RALYL: variants seen among roughly 807,000 people sequenced by gnomAD.
RALYL encodes the protein RNA-binding Raly-like protein.
Under a neutral mutation model 35.1 loss-of-function variants are expected in RALYL, and 29 were observed. The ratio of observed to expected loss-of-function variants is 0.83; its 90% CI spans 0.61 to 1.13. The LOEUF (loss-of-function observed/expected upper bound fraction) is 1.13, where lower values mean the gene tolerates loss of function less well. Among genes scored for constraint, RALYL ranks in the 50% most tolerant of loss-of-function variants. The probability of loss-of-function intolerance (pLI) is 0.00; values close to 1 mark genes in which losing one functional copy is unlikely to be tolerated. For missense variants in RALYL, 359 were observed against 360.4 expected (o/e 1.00, Z 0.03); for synonymous variants, 120 against 127.6 (o/e 0.94, Z 0.40).
At chr8:84,668,915 G>T (rs1229126225) in intron 2 of RALYL, among the ~76,000 whole-genome samples, 1 of 151,938 alleles carries the variant, frequency 6.6e-6, no homozygotes. Context: ...CAGATAATTG[G>T]CAGGAAAGCT....
chr8:84,860,387 C>G (rs1222097516), intron 5 of RALYL, among the ~76,000 whole-genome samples: 2 of 152,186 alleles, frequency 1.3e-5, no homozygotes, highest in Non-Finnish European at 2.9e-5. Context: ...TAGAAGAGAT[C>G]AGTCAATTGC....
chr8:84,343,490 G>A (rs771561044), intron 1 of RALYL, among the ~76,000 whole-genome samples: 6 of 152,026 alleles, frequency 3.9e-5, no homozygotes, highest in Non-Finnish European at 8.8e-5. Context: ...TTTTACAGTT[G>A]AAATACTTAG....
chr8:84,679,949 C>A (rs1282736657), intron 2 of RALYL: 2 of 253,882 alleles, frequency 7.9e-6, no homozygotes, highest in Admixed American at 8.9e-5. Flanking sequence ...GTGCTGCACC[C>A]ATTAACTCGT....
chr8:84,276,845 A>G (rs577707467), intron 1 of RALYL, among the ~76,000 whole-genome samples: 1 of 152,252 alleles, frequency 6.6e-6, no homozygotes, highest in African/African-American at 2.4e-5. Context: ...AATCTAGAAA[A>G]GTTTAGACTT....
intron 5 of RALYL, among the ~76,000 whole-genome samples, chr8:84,854,180 T>C (rs937352988): frequency 6.6e-6 from 1 of 152,000 alleles, no homozygotes; most frequent in East Asian, 1.9e-4. Flanking sequence ...ACCCCATCTC[T>C]ACTAAAAATA....
intron 1 of RALYL, among the ~76,000 whole-genome samples, chr8:84,509,066 C>A (rs543917659): frequency 6.6e-6 from 1 of 152,144 alleles, no homozygotes; most frequent in South Asian, 2.1e-4. Flanking sequence ...TGACTACATA[C>A]ATATTATATC....
intron 8 of RALYL, among the ~76,000 whole-genome samples, chr8:84,903,635 A>G (rs1021821219): frequency 6.6e-6 from 1 of 152,178 alleles, no homozygotes; most frequent in African/African-American, 2.4e-5. Flanking sequence ...TCAGTAACAT[A>G]GGGTTCTTAA....
intron 2 of RALYL, among the ~76,000 whole-genome samples, chr8:84,710,087 G>C (rs1841924269): frequency 1.3e-5 from 2 of 151,710 alleles, no homozygotes. Context: ...AAACAAAAAA[G>C]CTACGAATTG....
Position 84,430,515 on chromosome 8 carries a change from C to T in RALYL, c.-23-98784C>T, listed in dbSNP as rs1482570094. ...CAAAGGACTACAAAAAACATCTATT[C>T]TCCATCTGAGACCTAGCTTTATAGA... On this transcript the variant is annotated intron_variant, in intron 1 of 8. Coordinates refer to ENST00000521268, the MANE Select transcript of RALYL (RefSeq NM_173848.7). Among the ~76,000 whole-genome samples, 4 of 152,188 alleles carry T rather than the reference C, an allele frequency of 2.6e-5. No homozygotes were observed. The East Asian group carries it at 5.8e-4, about 22-fold the overall frequency.
chr8:84,834,445 T>C (rs1197640728), intron 4 of RALYL, among the ~76,000 whole-genome samples: 1 of 152,206 alleles, frequency 6.6e-6, no homozygotes, highest in Non-Finnish European at 1.5e-5. Flanking sequence ...CTGGAGGTGA[T>C]GAGTAGGAAA....
intron 3 of RALYL, among the ~76,000 whole-genome samples, chr8:84,789,086 T>G (rs1469148527): frequency 2.0e-5 from 3 of 152,162 alleles, no homozygotes; most frequent in Non-Finnish European, 4.4e-5. Flanking sequence ...GGTTGTAGCC[T>G]TAGTATGCAG....
chr8:84,774,481 T>C (rs1816348781), intron 2 of RALYL, 98 bp from the exon 3 acceptor site: 1 of 794,796 alleles, frequency 1.3e-6, no homozygotes, highest in African/African-American at 1.8e-5. Flanking sequence ...AATATTTGCA[T>C]AAACAAATAG....
Position 84,920,953 on chromosome 8 carries a change from T to C in RALYL, c.*42T>C, listed in dbSNP as rs147813469. 8.0e-5 allele frequency: 105 copies of C among 1,306,688 alleles called. 1 individual carries two copies. The East Asian group carries it at 2.2e-3, about 28-fold the overall frequency. The allele number at this position is 1,306,688 out of a possible 1,614,324, so 80.9% of individuals were successfully genotyped here. A position where few individuals can be genotyped will look rare whatever the true frequency, so the allele number is the denominator to read the frequency against. ...ATGCCACAAAGCAGAAAAGAGAAACTGTGACAACCCCCAGAAATGTGAAAG... is the reference window on the plus strand; with the variant it reads ...ATGCCACAAAGCAGAAAAGAGAAACCGTGACAACCCCCAGAAATGTGAAAG... On this transcript the variant is annotated 3_prime_UTR_variant, in exon 9 of 9. Transcript: ENST00000521268.
At chr8:84,792,390 G>C (rs895524046) in intron 3 of RALYL, among the ~76,000 whole-genome samples, 3 of 152,084 alleles carry the variant, frequency 2.0e-5, no homozygotes, top group Admixed American at 6.5e-5. Flanking sequence ...CTTGGTGTAC[G>C]GACACTTCTT....
At chr8:84,659,929 C>A (rs974139926) in intron 2 of RALYL, among the ~76,000 whole-genome samples, 3 of 152,054 alleles carry the variant, frequency 2.0e-5, no homozygotes, top group African/African-American at 7.2e-5. Flanking sequence ...AGTTAGAAAT[C>A]AGTAAATACT....
intron 4 of RALYL, among the ~76,000 whole-genome samples, chr8:84,810,977 GC>G (rs1825771355): frequency 6.6e-6 from 1 of 151,992 alleles, no homozygotes; most frequent in Non-Finnish European, 1.5e-5. Flanking sequence ...AAGCATTTAG[GC>G]CATTTATATT....
chr8:84,419,387 G>T (rs974081673), intron 1 of RALYL, among the ~76,000 whole-genome samples: 1 of 151,842 alleles, frequency 6.6e-6, no homozygotes, highest in Non-Finnish European at 1.5e-5. Flanking sequence ...CCTTTGTTCT[G>T]CCTGGAACTC....
At chr8:84,502,824 T>G (rs2134247366) in intron 1 of RALYL, among the ~76,000 whole-genome samples, 1 of 151,966 alleles carries the variant, frequency 6.6e-6, no homozygotes, top group Non-Finnish European at 1.5e-5. Flanking sequence ...CTTGATAAAT[T>G]TTGCTGTATA....
At position 84,330,501 on chromosome 8, in the gene RALYL, C is replaced by G. The variant is rs191249548; in HGVS notation, c.-24+146077C>G. Among the ~76,000 whole-genome samples, 770 of 152,068 alleles carry G rather than the reference C, an allele frequency of 5.1e-3. 5 individuals are homozygous for G. Among genetic ancestry groups the G allele is most frequent in the Non-Finnish European group, 8.8e-3 (599 of 67,908 alleles). The stretch of plus-strand genomic sequence containing the variant: ...AAAGTTATTATCTGCTGGGAGGTGG[C>G]AAAATGCTGTAGGATACACTCATAA... On this transcript the variant is annotated intron_variant, in intron 1 of 8. Transcript: ENST00000521268.
Sources: allele counts gnomAD v4.1 joint callset (sites outside exome capture counted in the v4.1 genomes callset), GRCh38; gene constraint gnomAD v4.1.1; transcripts MANE v1.5; gene names NCBI Gene and HGNC (gene_info 2026-07-23, HGNC 2026-07-21).